CEP128: variants seen among roughly 807,000 people sequenced by gnomAD.
CEP128 encodes the protein centrosomal protein 128kDa.
CEP128 carries 132 observed loss-of-function variants against 156.7 expected under a neutral mutation model. That is an observed-to-expected ratio of 0.84 (90% CI 0.73 to 0.97). CEP128 has a LOEUF of 0.97. Among genes scored for constraint, CEP128 ranks in the 50% least tolerant of loss-of-function variants. The probability of loss-of-function intolerance (pLI) is 0.00; values close to 1 mark genes in which losing one functional copy is unlikely to be tolerated. For missense variants in CEP128, 1,252 were observed against 1,281.9 expected (o/e 0.98, Z 0.36); for synonymous variants, 469 against 448.9 (o/e 1.04, Z -0.57).
intron 19 of CEP128, among the ~76,000 whole-genome samples, chr14:80,619,372 A>ACG (rs1893369561): frequency 6.8e-6 from 1 of 147,556 alleles, no homozygotes; most frequent in Admixed American, 6.7e-5. Context: ...ACACAGACAC[A>ACG]CACACACACA....
upstream of CEP128, among the ~76,000 whole-genome samples, chr14:80,942,672 C>T (rs1886215655): frequency 6.7e-6 from 1 of 148,580 alleles, no homozygotes; most frequent in Admixed American, 6.6e-5. Context: ...AATCCATTTC[C>T]CAGTTGGTCC....
chr14:80,729,058 GGTGT>G (rs559470308), intron 19 of CEP128, among the ~76,000 whole-genome samples: 1,909 of 104,640 alleles, frequency 0.018, 46 homozygotes, highest in Admixed American at 0.025. Context: ...GGCTGGTGGG[GGTGT>G]GTGTGTGTGT....
At chr14:80,589,805 T>C (rs979572019) in intron 19 of CEP128, among the ~76,000 whole-genome samples, 1 of 152,128 alleles carries the variant, frequency 6.6e-6, no homozygotes, top group African/African-American at 2.4e-5. Context: ...GCCTGGCAAA[T>C]ACTATTTCTC....
At chr14:80,955,788 C>T (rs767158566) in intron 2 of CEP128, 3 of 1,614,210 alleles carry the variant, frequency 1.9e-6, no homozygotes, top group Non-Finnish European at 2.5e-6. Flanking sequence ...AGGAGGAGGA[C>T]TTCAGAGTCA....
At chr14:80,539,172 GGAGA>G (rs1245443458) in intron 21 of CEP128, among the ~76,000 whole-genome samples, 6 of 144,012 alleles carry the variant, frequency 4.2e-5, no homozygotes. Flanking sequence ...AACAGAAATG[GGAGA>G]GAAACTAACA....
intron 21 of CEP128, among the ~76,000 whole-genome samples, chr14:80,546,752 G>C (rs562235573): frequency 2.6e-5 from 4 of 152,218 alleles, no homozygotes; most frequent in Admixed American, 2.6e-4. Flanking sequence ...CATCACAAAA[G>C]CTCCAGAAAA....
At chr14:80,484,084 C>T (rs1192412810) in intron 14 of CEP128, among the ~76,000 whole-genome samples, 2 of 151,900 alleles carry the variant, frequency 1.3e-5, no homozygotes. Context: ...TCAAGCGATC[C>T]TCTCACCTCA....
At chr14:80,801,293 G>C (rs1420973030) in intron 13 of CEP128, among the ~76,000 whole-genome samples, 1 of 152,278 alleles carries the variant, frequency 6.6e-6, no homozygotes, top group South Asian at 2.1e-4. Flanking sequence ...AGTGGTGAGA[G>C]AGGGCATCCT....
downstream of CEP128, among the ~76,000 whole-genome samples, chr14:80,494,816 A>G (rs562733583): frequency 2.0e-5 from 3 of 152,296 alleles, no homozygotes; most frequent in South Asian, 6.2e-4. Flanking sequence ...ATTAGTAAAA[A>G]TAGGTAGGTA....
chr14:80,836,850 A>G (rs1174796001), intron 11 of CEP128, among the ~76,000 whole-genome samples: 1 of 152,214 alleles, frequency 6.6e-6, no homozygotes, highest in Non-Finnish European at 1.5e-5. Flanking sequence ...CTGCCAAATT[A>G]CCTAGCACAT....
chr14:80,833,703 A>C (rs1461998262), intron 12 of CEP128, among the ~76,000 whole-genome samples: 2 of 152,164 alleles, frequency 1.3e-5, no homozygotes, highest in Non-Finnish European at 2.9e-5. Flanking sequence ...GTAATAGAAA[A>C]GAAAATAGAT....
intron 8 of CEP128, among the ~76,000 whole-genome samples, chr14:80,865,559 A>G (rs1233119036): frequency 6.6e-6 from 1 of 152,178 alleles, no homozygotes; most frequent in African/African-American, 2.4e-5. Flanking sequence ...CTTGGTATTC[A>G]TGCACTTGTG....
intron 21 of CEP128, among the ~76,000 whole-genome samples, chr14:80,557,900 A>G (rs1204064092): frequency 1.3e-5 from 2 of 152,148 alleles, no homozygotes; most frequent in African/African-American, 4.8e-5. Flanking sequence ...GTATTTTCTT[A>G]GCCTTTTTAA....
At chr14:80,887,442 T>C (rs1203877110) in intron 8 of CEP128, among the ~76,000 whole-genome samples, 2 of 152,138 alleles carry the variant, frequency 1.3e-5, no homozygotes, top group African/African-American at 2.4e-5. Flanking sequence ...CAGACCACAG[T>C]GCAATCACAT....
chr14:80,732,515 T>TGTGTGTGTGTGC (rs1555396242), intron 19 of CEP128, among the ~76,000 whole-genome samples: 1 of 147,902 alleles, frequency 6.8e-6, no homozygotes, highest in Non-Finnish European at 1.5e-5. Context: ...TGTGTGTGTG[T>TGTGTGTGTGTGC]GTGTGGTTTC....
chr14:80,652,889 C>T (rs761314306), intron 19 of CEP128, among the ~76,000 whole-genome samples: 13 of 152,134 alleles, frequency 8.5e-5, no homozygotes, highest in African/African-American at 3.1e-4. Flanking sequence ...CACACGCACA[C>T]GTATGTTTAT....
chr14:80,797,353 T>A (rs1338803859), intron 13 of CEP128, among the ~76,000 whole-genome samples: 3 of 152,220 alleles, frequency 2.0e-5, no homozygotes, highest in African/African-American at 7.2e-5. Flanking sequence ...TGATTGGGTA[T>A]GTGAGTGTAA....
chr14:80,555,145 A>G lies in CEP128; in HGVS notation c.2880+4134T>C, dbSNP rs533226689. Among the ~76,000 whole-genome samples the G allele has an allele frequency of 4.6e-5, 7 of 152,222 alleles. No individual in the cohort carries two copies. The East Asian group carries it at 1.2e-3, about 25-fold the overall frequency. On this transcript the variant is annotated intron_variant, in intron 21 of 24. Coordinates refer to ENST00000555265, the MANE Select transcript of CEP128 (RefSeq NM_152446.5). ...CTCTTACTCTCTCAAACTGTTATCT[A>G]TCTCTCTATACATTATCTCCTATGA...
At chr14:80,794,424 C>G (rs760902311) in intron 13 of CEP128, among the ~76,000 whole-genome samples, 3 of 152,126 alleles carry the variant, frequency 2.0e-5, no homozygotes, top group Non-Finnish European at 4.4e-5. Context: ...GATGTCTCAT[C>G]CACCCAAATG....
Sources: allele counts gnomAD v4.1 joint callset (sites outside exome capture counted in the v4.1 genomes callset), GRCh38; gene constraint gnomAD v4.1.1; transcripts MANE v1.5; gene names NCBI Gene and HGNC (gene_info 2026-07-23, HGNC 2026-07-21).